DPYD: variants seen among roughly 807,000 people sequenced by gnomAD.
DPYD encodes dihydropyrimidine dehydrogenase [NADP(+)].
A neutral mutation model predicts 116.2 loss-of-function variants in DPYD; 109 were observed. That is an observed-to-expected ratio of 0.94 (90% CI 0.80 to 1.10). The LOEUF (loss-of-function observed/expected upper bound fraction) is 1.10. Ranked by LOEUF, DPYD falls within the 50% of genes least tolerant of loss-of-function variation. The pLI, the probability that DPYD is intolerant of heterozygous loss-of-function variation, is 0.00. For missense variants in DPYD, 1,302 were observed against 1,254.5 expected (o/e 1.04, Z -0.57); for synonymous variants, 440 against 432.0 (o/e 1.02, Z -0.23).
chr1:97,825,840 G>A (rs1418700012), intron 3 of DPYD, among the ~76,000 whole-genome samples: 1 of 152,076 alleles, frequency 6.6e-6, no homozygotes, highest in Non-Finnish European at 1.5e-5. Flanking sequence ...TGGACTAACA[G>A]AGAAGCTACC....
chr1:97,346,637 T>C (rs1311261108), intron 16 of DPYD, among the ~76,000 whole-genome samples: 1 of 151,910 alleles, frequency 6.6e-6, no homozygotes, highest in African/African-American at 2.4e-5. Context: ...TAAAGGTCTA[T>C]CTACTTAAAC....
At chr1:97,603,011 G>A (rs1043045470) in intron 8 of DPYD, among the ~76,000 whole-genome samples, 4 of 151,778 alleles carry the variant, frequency 2.6e-5, no homozygotes, top group South Asian at 2.1e-4. Flanking sequence ...TTTGTCTCTT[G>A]AGCCTTTTCT....
At chr1:97,151,043 T>A (rs1654974181) in intron 20 of DPYD, among the ~76,000 whole-genome samples, 1 of 152,166 alleles carries the variant, frequency 6.6e-6, no homozygotes, top group Admixed American at 6.5e-5. Context: ...TGTTATAAGA[T>A]AAGCAAAGCT....
intron 3 of DPYD, among the ~76,000 whole-genome samples, chr1:97,794,985 C>T (rs930695230): frequency 1.3e-5 from 2 of 151,778 alleles, no homozygotes; most frequent in South Asian, 4.2e-4. Context: ...CTTGTTTGTT[C>T]TAGTATCTTT....
intron 12 of DPYD, among the ~76,000 whole-genome samples, chr1:97,526,391 T>A (rs1649100901): frequency 6.6e-6 from 1 of 151,948 alleles, no homozygotes; most frequent in South Asian, 2.1e-4. Flanking sequence ...AGACCAGTAA[T>A]TTTTTACTCT....
At chr1:97,176,357 G>A (rs543584428) in intron 20 of DPYD, among the ~76,000 whole-genome samples, 1 of 152,264 alleles carries the variant, frequency 6.6e-6, no homozygotes, top group South Asian at 2.1e-4. Context: ...CCCCTATGGA[G>A]ATGGAGAAGG....
At chr1:97,751,460 G>GTGTGTATATATATATATATATATA (rs763260651) in intron 3 of DPYD, among the ~76,000 whole-genome samples, 1 of 21,286 alleles carries the variant, frequency 4.7e-5, no homozygotes, top group African/African-American at 1.7e-4. Flanking sequence ...GTGTGTGTGT[G>GTGTGTATATATATATATATATATA]TATATATATA....
chr1:97,111,007 A>T (rs1368459044), intron 20 of DPYD, among the ~76,000 whole-genome samples: 5 of 132,178 alleles, frequency 3.8e-5, no homozygotes, highest in East Asian at 3.9e-4. Context: ...ATCTCTATTT[A>T]AAAAAAATAA....
intron 3 of DPYD, among the ~76,000 whole-genome samples, chr1:97,772,978 C>G (rs1317332036): frequency 1.3e-5 from 2 of 152,136 alleles, no homozygotes; most frequent in African/African-American, 4.8e-5. Flanking sequence ...GCAGGAGATT[C>G]ACTTGGAGAG....
chr1:97,643,328 G>GA (rs1658048033), intron 8 of DPYD, among the ~76,000 whole-genome samples: 1 of 152,022 alleles, frequency 6.6e-6, no homozygotes, highest in African/African-American at 2.4e-5. Context: ...ACAAGCATAT[G>GA]AAAAAAAGCT....
At chr1:97,588,452 AAATTT>A (rs1654293788) in intron 10 of DPYD, among the ~76,000 whole-genome samples, 1 of 152,184 alleles carries the variant, frequency 6.6e-6, no homozygotes, top group Non-Finnish European at 1.5e-5. Flanking sequence ...CTTATCCTTT[AAATTT>A]ATCAACTCTA....
chr1:97,561,632 T>C (rs769241232), intron 11 of DPYD, among the ~76,000 whole-genome samples: 4 of 152,200 alleles, frequency 2.6e-5, no homozygotes, highest in Non-Finnish European at 5.9e-5. Context: ...CGTGCCTCTT[T>C]AGATTTCCAG....
intron 20 of DPYD, among the ~76,000 whole-genome samples, chr1:97,123,985 ATCTC>A (rs1369169088): frequency 6.6e-6 from 1 of 152,112 alleles, no homozygotes; most frequent in Non-Finnish European, 1.5e-5. Context: ...GTGAAGTTCT[ATCTC>A]TCTGCATTTT....
intron 5 of DPYD, among the ~76,000 whole-genome samples, chr1:97,706,278 C>A (rs982459781): frequency 6.6e-6 from 1 of 151,980 alleles, no homozygotes; most frequent in South Asian, 2.1e-4. Flanking sequence ...CACTGAACTA[C>A]ATCATCTGGT....
chr1:97,173,291 TACACATATGTACATATATATGC>T (rs1176923805), intron 20 of DPYD, among the ~76,000 whole-genome samples: 2 of 87,780 alleles, frequency 2.3e-5, no homozygotes, highest in East Asian at 1.7e-3. Context: ...CACATATATG[TACACATATGTACATATATATGC>T]ACACATATAT....
intron 8 of DPYD, among the ~76,000 whole-genome samples, chr1:97,616,421 G>A (rs999037053): frequency 4.6e-5 from 7 of 151,940 alleles, no homozygotes; most frequent in Admixed American, 1.3e-4. Context: ...TCCAAGTCAA[G>A]AATAAAATTC....
In DPYD at chr1:97,215,125, G is replaced by T. The variant is rs769335818; in HGVS notation, c.2442+19727C>A. Among the ~76,000 whole-genome samples, 3 of 152,170 alleles carry T rather than the reference G, an allele frequency of 2.0e-5. No individual in the cohort carries two copies. In the East Asian group the frequency reaches 5.8e-4, roughly 29 times the overall value. On this transcript the variant is annotated intron_variant, in intron 19 of 22. Coordinates refer to ENST00000370192, the MANE Select transcript of DPYD (RefSeq NM_000110.4). ...TACTTTGCTTCAGATACTGTATGAG[G>T]TGCTTTGCATATGGTTGTGAATCCT...
intron 8 of DPYD, among the ~76,000 whole-genome samples, chr1:97,647,111 A>C (rs1047532676): frequency 2.0e-5 from 3 of 152,088 alleles, no homozygotes; most frequent in Non-Finnish European, 4.4e-5. Flanking sequence ...AAATTACATC[A>C]GAATATACCA....
At chr1:97,493,399 T>G (rs1287570256) in intron 13 of DPYD, among the ~76,000 whole-genome samples, 1 of 152,100 alleles carries the variant, frequency 6.6e-6, no homozygotes, top group African/African-American at 2.4e-5. Context: ...CAGAAAAAAC[T>G]TTTTCATTGC....
Sources: allele counts gnomAD v4.1 joint callset (sites outside exome capture counted in the v4.1 genomes callset), GRCh38; gene constraint gnomAD v4.1.1; transcripts MANE v1.5; gene names NCBI Gene and HGNC (gene_info 2026-07-23, HGNC 2026-07-21).